Variants in ZMAT4 observed in about 807,000 individuals in gnomAD.
ZMAT4 encodes zinc finger matrin-type protein 4.
Under a neutral mutation model 28.7 loss-of-function variants are expected in ZMAT4, and 17 were observed. The observed-to-expected ratio is 0.59, with a 90% CI of 0.41 to 0.89. The LOEUF is 0.89. Among genes scored for constraint, ZMAT4 ranks in the 40% least tolerant of loss-of-function variants. The probability of loss-of-function intolerance (pLI) is 0.00; values close to 1 mark genes in which losing one functional copy is unlikely to be tolerated. For missense variants in ZMAT4, 240 were observed against 283.8 expected, an observed-to-expected ratio of 0.85 and a Z score of 1.11; for synonymous variants, 117 against 109.2, an observed-to-expected ratio of 1.07 and a Z score of -0.44.
intron 1 of ZMAT4, among the ~76,000 whole-genome samples, chr8:40,839,430 G>C (rs909863845): frequency 6.6e-6 from 1 of 152,232 alleles, no homozygotes; most frequent in Non-Finnish European, 1.5e-5. Context: ...TTTAAGTACA[G>C]ATTCCACCTC....
intron 1 of ZMAT4, chr8:40,888,459 A>T (rs1032183183): frequency 6.6e-6 from 1 of 152,360 alleles, no homozygotes. Context: ...GCAAACAGCC[A>T]TGCAGCCTAC....
intron 1 of ZMAT4, among the ~76,000 whole-genome samples, chr8:40,886,088 T>C (rs960666157): frequency 1.3e-5 from 2 of 152,236 alleles, no homozygotes; most frequent in African/African-American, 4.8e-5. Flanking sequence ...CAAAAGCTCA[T>C]ATCTCCTATT....
chr8:40,624,426 G>C (rs1313361753), intron 5 of ZMAT4, among the ~76,000 whole-genome samples: 1 of 152,290 alleles, frequency 6.6e-6, no homozygotes, highest in Admixed American at 6.5e-5. Flanking sequence ...ATAAAGATCA[G>C]TTGTTTAAGC....
chr8:40,751,613 G>T (rs961051281), intron 3 of ZMAT4, among the ~76,000 whole-genome samples: 2 of 152,008 alleles, frequency 1.3e-5, no homozygotes, highest in Admixed American at 1.3e-4. Context: ...TCTGGGTGGG[G>T]CAAATAACCA....
intron 4 of ZMAT4, among the ~76,000 whole-genome samples, chr8:40,682,761 A>T (rs950378222): frequency 6.6e-6 from 1 of 152,188 alleles, no homozygotes; most frequent in Non-Finnish European, 1.5e-5. Context: ...GCATTCATAT[A>T]TCGTCAGTCT....
intron 5 of ZMAT4, among the ~76,000 whole-genome samples, chr8:40,641,659 T>A (rs1476174014): frequency 2.6e-5 from 4 of 152,224 alleles, no homozygotes; most frequent in African/African-American, 9.6e-5. Context: ...CCTCTGTGTT[T>A]CCTCTGCCCT....
chr8:40,679,085 G>T (rs1338623431), intron 4 of ZMAT4, among the ~76,000 whole-genome samples: 1 of 152,046 alleles, frequency 6.6e-6, no homozygotes, highest in African/African-American at 2.4e-5. Context: ...GCCCTCTAAG[G>T]CTTGAGCTAA....
chr8:40,848,086 T>A (rs1731363538), intron 1 of ZMAT4, among the ~76,000 whole-genome samples: 1 of 152,242 alleles, frequency 6.6e-6, no homozygotes. Context: ...TCTGTCTACC[T>A]GCTCCTTGTG....
chr8:40,829,574 G>T (rs140703695), intron 1 of ZMAT4, among the ~76,000 whole-genome samples: 268 of 152,314 alleles, frequency 1.8e-3, no homozygotes, highest in African/African-American at 6.2e-3. Context: ...GGGAAATCTA[G>T]CATGAGTGAG....
intron 1 of ZMAT4, among the ~76,000 whole-genome samples, chr8:40,826,418 G>C (rs1816044849): frequency 6.6e-6 from 1 of 151,972 alleles, no homozygotes; most frequent in Non-Finnish European, 1.5e-5. Context: ...AATTTTAATA[G>C]CACTTATCTT....
intron 3 of ZMAT4, among the ~76,000 whole-genome samples, chr8:40,697,707 C>A (rs556779340): frequency 6.6e-6 from 1 of 150,980 alleles, no homozygotes; most frequent in Non-Finnish European, 1.5e-5. Context: ...TATCCCTCCC[C>A]TAGCCCCCCC....
intron 3 of ZMAT4, among the ~76,000 whole-genome samples, chr8:40,746,835 G>A (rs1009747427): frequency 4.6e-5 from 7 of 151,998 alleles, no homozygotes; most frequent in Admixed American, 1.3e-4. Context: ...CCTTCTTTCC[G>A]TTTCTCCCCA....
Position 40,674,884 on chromosome 8 carries a change from C to T in ZMAT4, c.397G>A (p.Val133Met). ...CTTCTTTGATAGGGAGATGCGACCA[C>T]CGGAGCAGTGTCCATCCGTGGGGGC... ...LKPPRMDTAP[V>M]VASPYQRRDS... The change falls in exon 5 of 7, where the codon GTG (valine) becomes ATG (methionine). Residue 133 changes from valine (V) to methionine (M), a missense_variant. Coordinates refer to ENST00000297737, the MANE Select transcript of ZMAT4 (RefSeq NM_024645.3). 1.9e-6 allele frequency: 3 copies of T among 1,613,486 alleles called. No homozygotes were observed. The highest frequency in any genetic ancestry group is 1.1e-5 in the South Asian group (1 of 91,060).
At chr8:40,611,747 T>C (rs1301463444) in intron 5 of ZMAT4, among the ~76,000 whole-genome samples, 1 of 152,244 alleles carries the variant, frequency 6.6e-6, no homozygotes, top group Non-Finnish European at 1.5e-5. Flanking sequence ...AGAAAATGTT[T>C]GTCTCATATT....
At chr8:40,856,648 G>A (rs1384487352) in intron 1 of ZMAT4, among the ~76,000 whole-genome samples, 1 of 152,202 alleles carries the variant, frequency 6.6e-6, no homozygotes, top group Admixed American at 6.5e-5. Flanking sequence ...ATGAATCCTG[G>A]AGCATGTTGT....
intron 6 of ZMAT4, among the ~76,000 whole-genome samples, chr8:40,539,760 T>C (rs1309554815): frequency 6.6e-6 from 1 of 152,256 alleles, no homozygotes; most frequent in East Asian, 1.9e-4. Context: ...CAATAGAGTT[T>C]GTCAGGTCTT....
intron 2 of ZMAT4, among the ~76,000 whole-genome samples, chr8:40,816,028 C>T (rs1432492110): frequency 6.6e-6 from 1 of 152,142 alleles, no homozygotes; most frequent in Non-Finnish European, 1.5e-5. Flanking sequence ...CTAATCACCA[C>T]ATTTCCTCCA....
intron 5 of ZMAT4, among the ~76,000 whole-genome samples, chr8:40,631,246 C>A (rs1322063929): frequency 6.6e-6 from 1 of 152,168 alleles, no homozygotes; most frequent in Non-Finnish European, 1.5e-5. Context: ...GATTTCGGCT[C>A]ACTGCAACCT....
At chr8:40,731,478 GAA>G (rs1255592590) in intron 3 of ZMAT4, among the ~76,000 whole-genome samples, 1 of 152,040 alleles carries the variant, frequency 6.6e-6, no homozygotes, top group Non-Finnish European at 1.5e-5. Flanking sequence ...CCTAAGGGAA[GAA>G]GAAGAATCAT....
Sources: allele counts gnomAD v4.1 joint callset (sites outside exome capture counted in the v4.1 genomes callset), GRCh38; gene constraint gnomAD v4.1.1; transcripts MANE v1.5; gene names NCBI Gene and HGNC (gene_info 2026-07-23, HGNC 2026-07-21).